Variants in ERV3-1 observed in about 807,000 individuals in gnomAD.
ERV3-1 encodes the protein endogenous retrovirus group 3 member 1 Env polyprotein.
A neutral mutation model predicts 24.6 loss-of-function variants in ERV3-1; 36 were observed. The observed-to-expected ratio is 1.47, with a 90% CI of 1.12 to 1.94. The LOEUF is 1.94. Among genes scored for constraint, ERV3-1 ranks in the 30% most tolerant of loss-of-function variants. The pLI, the probability that ERV3-1 is intolerant of heterozygous loss-of-function variation, is 0.00. For synonymous variants in ERV3-1, 211 were observed against 122.6 expected (o/e 1.72, Z -4.76); for missense variants, 578 against 330.9 (o/e 1.75, Z -5.79).
intron 1 of ERV3-1, among the ~76,000 whole-genome samples, chr7:64,994,023 C>T (rs912306550): frequency 2.0e-5 from 3 of 152,186 alleles, no homozygotes; most frequent in African/African-American, 4.8e-5. Context: ...TGAGTTCTTG[C>T]TTCTGGTAGG....
rs371569340 is a variant in ERV3-1 at position 64,992,190 on chromosome 7, C to T, written c.837G>A (p.Leu279=). ...PPLASNLFAQ[L]AENIASSLHV... ...GCAGGCTGCTGGCTATGTTTTCAGC[C>T]AGTTGGGCGAATAAATTACTGGCCA... The change falls in exon 2 of 2, where the codon CTG becomes CTA. Residue 279 remains leucine (L), a synonymous_variant. Transcript: ENST00000394323. 2.6e-6 allele frequency: 2 copies of T among 766,378 alleles called. No homozygotes were observed. Among genetic ancestry groups the T allele is most frequent in the Admixed American group, 1.7e-5 (1 of 59,020 alleles). The allele number at this position is 766,378 out of a possible 1,614,324, so 47.5% of individuals were successfully genotyped here. A position where few individuals can be genotyped will look rare whatever the true frequency, so the allele number is the denominator to read the frequency against.
chr7:64,997,433 T>G (rs867897829), intron 1 of ERV3-1, among the ~76,000 whole-genome samples: 1 of 152,206 alleles, frequency 6.6e-6, no homozygotes, highest in Admixed American at 6.5e-5. Context: ...TAGAATGCTT[T>G]ACAGAGTCTC....
chr7:64,994,691 GAGTCCTCTTT>G (rs1786366653), intron 1 of ERV3-1, among the ~76,000 whole-genome samples: 1 of 152,212 alleles, frequency 6.6e-6, no homozygotes, highest in Non-Finnish European at 1.5e-5. Context: ...TGGCAGTTAA[GAGTCCTCTTT>G]CTTTATATAT....
intron 1 of ERV3-1, among the ~76,000 whole-genome samples, chr7:64,995,184 A>G (rs6969872): frequency 1 from 152,338 of 152,360 alleles, 76,158 homozygotes; most frequent in Middle Eastern, 1. Context: ...TTATAACCGC[A>G]TGTGGTACCT....
chr7:65,003,072 G>C (rs1786558749), intron 1 of ERV3-1, among the ~76,000 whole-genome samples: 1 of 152,140 alleles, frequency 6.6e-6, no homozygotes, highest in African/African-American at 2.4e-5. Flanking sequence ...CTGTCTGTGG[G>C]TCCCCAGCTT....
At chr7:64,993,739 C>T (rs1337055132) in intron 1 of ERV3-1, among the ~76,000 whole-genome samples, 1 of 152,168 alleles carries the variant, frequency 6.6e-6, no homozygotes, top group Non-Finnish European at 1.5e-5. Flanking sequence ...GTGCACCTAA[C>T]TTGAAGGAGG....
rs1786316433 is a variant in ERV3-1 at position 64,992,991 on chromosome 7, G to A, written c.36C>T (p.Phe12=). 8 of 764,832 alleles carry A rather than the reference G, an allele frequency of 1.0e-5. No individual in the cohort carries two copies. In the East Asian group the frequency reaches 1.9e-4, roughly 19 times the overall value. The allele number at this position is 764,832 out of a possible 1,614,324, so 47.4% of individuals were successfully genotyped here. ...LGMNMLLITL[F]LLLPLSMLKG... ...TTAACATGGATAAGGGGAGTAGCAA[G>A]AACAAAGTGATGAGTAGCATGTTCA... Residue 12 remains phenylalanine, a synonymous_variant, in exon 2 of 2, where the codon TTC becomes TTT. Transcript: ENST00000394323.
rs768453462 is a variant in ERV3-1, at chr7:64,992,542, A to T, written c.485T>A (p.Val162Glu). 1.2e-5 allele frequency: 9 copies of T among 766,384 alleles called. No homozygotes were observed. In the South Asian group the frequency reaches 1.2e-4, roughly 10 times the overall value. 47.5% of individuals were successfully genotyped at this position (766,384 alleles called of 1,614,324 possible). Residue 162 changes from valine to glutamate, a missense_variant, in exon 2 of 2, where the codon GTA (valine) becomes GAA (glutamate). Transcript: ENST00000394323. ...AHPACSTDSP[V>E]TTCWDCTTWS... ...CGTTGTGCAGTCCCAGCAAGTTGTT[A>T]CTGGGGAATCGGTGGAACAAGCAGG...
rs1457099814 is a variant in ERV3-1 at position 64,992,998 on chromosome 7, G to T, written c.29C>A (p.Thr10Asn). ...GGATAAGGGGAGTAGCAAGAACAAA[G>T]TGATGAGTAGCATGTTCATACCCAG... MLGMNMLLI[T>N]LFLLLPLSML... The change falls in exon 2 of 2, where the codon ACT (threonine) becomes AAT (asparagine). Residue 10 changes from threonine (T) to asparagine (N), a missense_variant. Transcript: ENST00000394323. The T allele has an allele frequency of 1.3e-6, 1 of 763,874 alleles. No individual in the cohort carries two copies. The highest frequency in any genetic ancestry group is 2.4e-6 in the Non-Finnish European group (1 of 416,068). 47.3% of individuals were successfully genotyped at this position (763,874 alleles called of 1,614,324 possible).
intron 1 of ERV3-1, among the ~76,000 whole-genome samples, chr7:65,002,932 T>C (rs946688512): frequency 6.6e-6 from 1 of 152,228 alleles, no homozygotes; most frequent in Non-Finnish European, 1.5e-5. Context: ...AACACTCTTT[T>C]AGAATTCAAT....
chr7:65,006,503 C>T, intron 1 of ERV3-1, 38 bp downstream of exon 1: 1 of 1,570,342 alleles, frequency 6.4e-7, no homozygotes, highest in Non-Finnish European at 8.8e-7. Flanking sequence ...CAACCAGCCC[C>T]GCCCCCTCTC....
Position 64,991,277 on chromosome 7 carries a change from T to A in ERV3-1, c.1750A>T (p.Ile584Phe). ...TGGATTTTAGCAGTTATTTCTTTGA[T>A]GACCTTTCCTTCGTCATCAAGTTCC... ...CLELDDEGKV[I>F]KEITAKIQKL... The change falls in exon 2 of 2, where the codon ATC (isoleucine) becomes TTC (phenylalanine). Residue 584 changes from isoleucine to phenylalanine, a missense_variant. Transcript: ENST00000394323. 1.4e-6 allele frequency: 1 copy of A among 734,208 alleles called. No individual in the cohort carries two copies. The highest frequency in any genetic ancestry group is 1.4e-5 in the South Asian group (1 of 69,968). The allele number at this position is 734,208 out of a possible 1,614,324, so 45.5% of individuals were successfully genotyped here.
At chr7:64,997,992 G>A (rs762322489) in intron 1 of ERV3-1, among the ~76,000 whole-genome samples, 28 of 152,276 alleles carry the variant, frequency 1.8e-4, no homozygotes, top group Middle Eastern at 3.4e-3. Flanking sequence ...TGGCCAGGTC[G>A]AAGGCGGCCT....
chr7:64,993,103 A>C lies in ERV3-1; in HGVS notation c.-77T>G. 1.6e-6 allele frequency: 1 copy of C among 620,172 alleles called. No homozygotes were observed. Among genetic ancestry groups the C allele is most frequent in the Non-Finnish European group, 2.9e-6 (1 of 347,058 alleles). 38.4% of individuals were successfully genotyped at this position (620,172 alleles called of 1,614,324 possible). A position where few individuals can be genotyped will look rare whatever the true frequency, so the allele number is the denominator to read the frequency against. On this transcript the variant is annotated 5_prime_UTR_variant, in exon 2 of 2. Coordinates refer to ENST00000394323, the MANE Select transcript of ERV3-1 (RefSeq NM_001007253.4). ...TAATAGCAAAGTAATTAATATGACA[A>C]GGAAAATTACTGGACTTCAGATTTC...
intron 1 of ERV3-1, chr7:65,004,890 T>G (rs938253239): frequency 3.1e-5 from 3 of 95,716 alleles, no homozygotes; most frequent in Non-Finnish European, 5.0e-5. Flanking sequence ...TTTTTTTTTT[T>G]GTCTTTTGGG....
intron 1 of ERV3-1, among the ~76,000 whole-genome samples, chr7:64,998,537 TCTTA>T (rs1439868341): frequency 2.0e-5 from 3 of 152,160 alleles, no homozygotes; most frequent in Non-Finnish European, 1.5e-5. Context: ...CCCTGTATAA[TCTTA>T]CTTAAAGTTC....
rs71534295 is a variant in ERV3-1 at position 64,992,528 on chromosome 7, C to G, written c.499G>C (p.Asp167His). Residue 167 changes from aspartate to histidine, a missense_variant, in exon 2 of 2, where the codon GAC (aspartate) becomes CAC (histidine). By Grantham distance (81) the Asp-to-His change is moderately conservative. Transcript: ENST00000394323. ...TGGTTAGTGGACCACGTTGTGCAGTCCCAGCAAGTTGTTACTGGGGAATCG... is the reference window on the plus strand; with the variant it reads ...TGGTTAGTGGACCACGTTGTGCAGTGCCAGCAAGTTGTTACTGGGGAATCG... The part of the protein sequence containing the change: ...STDSPVTTCW[D>H]CTTWSTNQQS... 179 of 766,314 alleles carry G rather than the reference C, an allele frequency of 2.3e-4. No individual in the cohort carries two copies. Among genetic ancestry groups the G allele is most frequent in the Middle Eastern group, 9.0e-4 (4 of 4,440 alleles). 47.5% of individuals were successfully genotyped at this position (766,314 alleles called of 1,614,324 possible).
chr7:65,005,421 T>C (rs1786623657), intron 1 of ERV3-1, among the ~76,000 whole-genome samples: 1 of 152,192 alleles, frequency 6.6e-6, no homozygotes, highest in Non-Finnish European at 1.5e-5. Flanking sequence ...TACAATACAG[T>C]GTCAGGGGAT....
intron 1 of ERV3-1, among the ~76,000 whole-genome samples, chr7:64,997,727 C>T (rs1451543603): frequency 6.6e-6 from 1 of 152,174 alleles, no homozygotes; most frequent in African/African-American, 2.4e-5. Context: ...CGGTGTTAAA[C>T]AGTGTCAGGA....
Sources: allele counts gnomAD v4.1 joint callset (sites outside exome capture counted in the v4.1 genomes callset), GRCh38; gene constraint gnomAD v4.1.1; transcripts MANE v1.5; gene names NCBI Gene and HGNC (gene_info 2026-07-23, HGNC 2026-07-21).